CHD6: variants seen among roughly 807,000 people sequenced by gnomAD.
CHD6 encodes the protein ATP-dependent chromatin remodeler CHD6.
A neutral mutation model predicts 276.9 loss-of-function variants in CHD6; 50 were observed. That is an observed-to-expected ratio of 0.18 (90% CI 0.14 to 0.23). The LOEUF is 0.23. CHD6 is among the 10% of genes least tolerant of loss of function. The pLI is 1.00. For synonymous variants in CHD6, 1,173 were observed against 1,229.3 expected, an observed-to-expected ratio of 0.95 and a Z score of 0.96; for missense variants, 2,564 against 3,365.8, an observed-to-expected ratio of 0.76 and a Z score of 5.89.
chr20:41,556,258 G>A (rs1441628999), intron 1 of CHD6, among the ~76,000 whole-genome samples: 1 of 151,374 alleles, frequency 6.6e-6, no homozygotes, highest in Non-Finnish European at 1.5e-5. Flanking sequence ...GGGAGAGGGA[G>A]AGGGAGACCG....
chr20:41,525,166 T>A (rs1033259172), intron 3 of CHD6, among the ~76,000 whole-genome samples: 9 of 152,206 alleles, frequency 5.9e-5, no homozygotes, highest in African/African-American at 1.9e-4. Context: ...GTCAAGTGGC[T>A]GTCCCTCCCT....
At chr20:41,411,976 C>T (rs1320849674) in intron 36 of CHD6, among the ~76,000 whole-genome samples, 168 bp downstream of exon 36, 1 of 152,238 alleles carries the variant, frequency 6.6e-6, no homozygotes, top group Non-Finnish European at 1.5e-5. Context: ...AAAAATGCCA[C>T]AGCACCATTT....
chr20:41,541,215 T>C (rs1160617585), intron 2 of CHD6, among the ~76,000 whole-genome samples: 1 of 152,226 alleles, frequency 6.6e-6, no homozygotes, highest in Admixed American at 6.5e-5. Context: ...GCATTTAGTA[T>C]ACAGTCAGTC....
chr20:41,578,846 T>C (rs950336535), intron 1 of CHD6, among the ~76,000 whole-genome samples: 3 of 147,556 alleles, frequency 2.0e-5, no homozygotes, highest in African/African-American at 5.1e-5. Context: ...CTAGACAACA[T>C]AGCAAGGCCC....
intron 1 of CHD6, among the ~76,000 whole-genome samples, chr20:41,615,379 G>A (rs930219632): frequency 6.7e-6 from 1 of 150,094 alleles, no homozygotes; most frequent in African/African-American, 2.5e-5. Flanking sequence ...CTCTAGGGAA[G>A]AGGTATCTCA....
chr20:41,434,659 C>A (rs931649136), intron 27 of CHD6, among the ~76,000 whole-genome samples: 1 of 152,076 alleles, frequency 6.6e-6, no homozygotes, highest in Non-Finnish European at 1.5e-5. Context: ...CATGAGTCAC[C>A]GCGCCTGGCA....
chr20:41,529,288 C>T lies in CHD6; in HGVS notation c.554+3762G>A, dbSNP rs186468900. Reference sequence around the variant, plus strand: ...TTTATTCTTGGTATATATACATATACATATCTTAACTTTTGTTGAGGAAAA... The same window carrying T: ...TTTATTCTTGGTATATATACATATATATATCTTAACTTTTGTTGAGGAAAA... On this transcript the variant is annotated intron_variant, in intron 3 of 36. Transcript: ENST00000373233. Among the ~76,000 whole-genome samples, 5 of 152,284 alleles carry T rather than the reference C, an allele frequency of 3.3e-5. No homozygotes were observed. In the East Asian group the frequency reaches 9.6e-4, roughly 29 times the overall value.
intron 1 of CHD6, among the ~76,000 whole-genome samples, chr20:41,565,771 C>T (rs976326962): frequency 3.3e-5 from 5 of 152,148 alleles, no homozygotes; most frequent in Middle Eastern, 6.8e-3. Flanking sequence ...CTATTTGGGG[C>T]GCTCAGAGAG....
chr20:41,460,415 C>T (rs2048507454), intron 17 of CHD6, among the ~76,000 whole-genome samples: 1 of 152,174 alleles, frequency 6.6e-6, no homozygotes, highest in Non-Finnish European at 1.5e-5. Flanking sequence ...CATGGCAGCC[C>T]CTCCCATCAC....
rs766632353 is a variant in CHD6, at chr20:41,533,221, T to C, written c.383A>G (p.Lys128Arg). 3.1e-6 allele frequency: 5 copies of C among 1,613,728 alleles called. No individual in the cohort carries two copies. The highest frequency in any genetic ancestry group is 1.3e-5 in the African/African-American group (1 of 74,966). The change falls in exon 3 of 37, where the codon AAG becomes AGG. Residue 128 changes from lysine (K) to arginine (R), a missense_variant. By Grantham distance (26) the Lys-to-Arg change is conservative (BLOSUM62 2). Around this residue, in one of 7 missense-constraint regions of CHD6, gnomAD observed 286 missense variants for 297.8 expected, o/e 0.96. Transcript: ENST00000373233. ...PKRKREPKEP[K>R]EPRKAKEPKK... ...CGGCTCCTTGGCCTTTCTGGGTTCC[T>C]TTGGCTCTTTCGGTTCTCGTTTCCT... is the stretch of plus-strand genomic sequence containing the variant.
rs373801105 is a variant in CHD6 at position 41,404,661 on chromosome 20, C to A, written c.8080G>T (p.Ala2694Ser). ...NCAEPSAPLP[A>S]EREHGAQAGE... ...GCCTGTGCCCCATGTTCTCTCTCTGCGGGCAAAGGGGCACTGGGTTCGGCA... is the reference window on the plus strand; with the variant it reads ...GCCTGTGCCCCATGTTCTCTCTCTGAGGGCAAAGGGGCACTGGGTTCGGCA... Residue 2694 changes from alanine (A) to serine (S), a missense_variant, in exon 37 of 37, where the codon GCA (alanine) becomes TCA (serine). Around this residue, in one of 7 missense-constraint regions of CHD6, gnomAD observed 238 missense variants for 266.0 expected, o/e 0.89. Coordinates refer to ENST00000373233, the MANE Select transcript of CHD6 (RefSeq NM_032221.5). 6.5e-7 allele frequency: 1 copy of A among 1,535,030 alleles called. No homozygotes were observed.
chr20:41,556,971 T>C (rs1189100588), intron 1 of CHD6, among the ~76,000 whole-genome samples: 1 of 152,244 alleles, frequency 6.6e-6, no homozygotes, highest in Non-Finnish European at 1.5e-5. Flanking sequence ...TTCTGCACAA[T>C]GCTGGAAATG....
chr20:41,472,367 C>A (rs1037491703), intron 17 of CHD6, among the ~76,000 whole-genome samples: 1 of 152,102 alleles, frequency 6.6e-6, no homozygotes. Flanking sequence ...TTGCAGTATC[C>A]CCTAGAGTAC....
chr20:41,581,816 T>C (rs1381414203), intron 1 of CHD6, among the ~76,000 whole-genome samples: 2 of 152,222 alleles, frequency 1.3e-5, no homozygotes, highest in African/African-American at 4.8e-5. Context: ...ATCTGCTGTA[T>C]AGCCAGCATT....
intron 1 of CHD6, among the ~76,000 whole-genome samples, chr20:41,552,539 A>G (rs1244504057): frequency 1.3e-5 from 2 of 152,198 alleles, no homozygotes; most frequent in Admixed American, 6.5e-5. Context: ...TAATTTGTCA[A>G]TTTGCAATTT....
Position 41,403,700 on chromosome 20 carries a change from G to A in CHD6, c.*893C>T, listed in dbSNP as rs183911906. 31 of 1,057,756 alleles carry A rather than the reference G, an allele frequency of 2.9e-5. No individual in the cohort carries two copies. Among genetic ancestry groups the A allele is most frequent in the Middle Eastern group, 4.2e-4 (1 of 2,354 alleles). The allele number at this position is 1,057,756 out of a possible 1,614,324, so 65.5% of individuals were successfully genotyped here. A position where few individuals can be genotyped will look rare whatever the true frequency, so the allele number is the denominator to read the frequency against. On this transcript the variant is annotated 3_prime_UTR_variant, in exon 37 of 37. Transcript: ENST00000373233. ...GAAAGCCTGAAGTGAAAATCCATTC[G>A]GTCCTGGTGCTCTTTAAACACAGAG...
chr20:41,575,115 T>A (rs754520578), intron 1 of CHD6, among the ~76,000 whole-genome samples: 1 of 152,224 alleles, frequency 6.6e-6, no homozygotes, highest in African/African-American at 2.4e-5. Context: ...ACATAGCGTG[T>A]ACATCAAGTA....
intron 36 of CHD6, among the ~76,000 whole-genome samples, chr20:41,407,241 TG>T (rs1465472573): frequency 7.0e-6 from 1 of 142,192 alleles, no homozygotes; most frequent in Non-Finnish European, 1.6e-5. Context: ...GAGTGGGGGG[TG>T]GGGATGTGAC....
At chr20:41,548,318 T>C (rs1477668636) in intron 2 of CHD6, among the ~76,000 whole-genome samples, 4 of 152,138 alleles carry the variant, frequency 2.6e-5, no homozygotes, top group Non-Finnish European at 5.9e-5. Flanking sequence ...TACCATGAGG[T>C]CCAAAACAAA....
Sources: allele counts gnomAD v4.1 joint callset (sites outside exome capture counted in the v4.1 genomes callset), GRCh38; gene constraint gnomAD v4.1.1; regional missense constraint gnomAD v4.1.1; transcripts MANE v1.5; gene names NCBI Gene and HGNC (gene_info 2026-07-23, HGNC 2026-07-21).